The following C12orf42 variants were observed in gnomAD, a reference collection of about 807,000 sequenced individuals.
C12orf42 encodes uncharacterized protein C12orf42.
Under a neutral mutation model 21.6 loss-of-function variants are expected in C12orf42, and 25 were observed. The ratio of observed to expected loss-of-function variants is 1.16; its 90% CI spans 0.84 to 1.62. The LOEUF (loss-of-function observed/expected upper bound fraction) is 1.62. C12orf42 is among the 40% of genes most tolerant of loss of function. The probability of loss-of-function intolerance (pLI) is 0.00; values close to 1 mark genes in which losing one functional copy is unlikely to be tolerated. For synonymous variants in C12orf42, 174 were observed against 175.0 expected, an observed-to-expected ratio of 0.99 and a Z score of 0.05; for missense variants, 483 against 459.3, an observed-to-expected ratio of 1.05 and a Z score of -0.47.
chr12:103,355,041 T>C (rs2043405815), intron 4 of C12orf42, among the ~76,000 whole-genome samples: 1 of 152,156 alleles, frequency 6.6e-6, no homozygotes, highest in African/African-American at 2.4e-5. Context: ...GATTACTATG[T>C]ACCCATTACA....
At chr12:103,091,954 T>A in the C12orf42 span, among the ~76,000 whole-genome samples, 1 of 152,222 alleles carries the variant, frequency 6.6e-6, no homozygotes, top group South Asian at 2.1e-4. Context: ...TCTGGCAGGT[T>A]GACTGTCATC....
At chr12:103,427,391 T>C (rs11111567) in intron 2 of C12orf42, among the ~76,000 whole-genome samples, 28,780 of 149,606 alleles carry the variant, frequency 0.19, 3,296 homozygotes, top group East Asian at 0.35. Flanking sequence ...AAGGTCATTA[T>C]ATCATGGTAA....
chr12:103,164,552 G>T, the C12orf42 span: 1 of 431,376 alleles, frequency 2.3e-6, no homozygotes, highest in Admixed American at 2.5e-5. Flanking sequence ...CTAAGGCACA[G>T]GGGGTGGGTG....
chr12:103,437,991 G>A (rs1227534952), intron 2 of C12orf42, among the ~76,000 whole-genome samples: 5 of 150,336 alleles, frequency 3.3e-5, no homozygotes, highest in Admixed American at 6.7e-5. Flanking sequence ...GATGAGCATC[G>A]ATGCAAAAAT....
the C12orf42 span, among the ~76,000 whole-genome samples, chr12:103,539,416 T>C: frequency 6.6e-6 from 1 of 152,120 alleles, no homozygotes; most frequent in African/African-American, 2.4e-5. Flanking sequence ...ATGCATGAAC[T>C]TGAATACTGA....
the C12orf42 span, among the ~76,000 whole-genome samples, chr12:103,229,179 T>G: frequency 6.6e-6 from 1 of 152,360 alleles, no homozygotes; most frequent in Admixed American, 6.5e-5. Context: ...CCTTTCTTCA[T>G]TGTAATTCTC....
intron 2 of C12orf42, among the ~76,000 whole-genome samples, chr12:103,418,320 G>A (rs1383314287): frequency 1.3e-5 from 2 of 152,180 alleles, no homozygotes; most frequent in East Asian, 3.9e-4. Context: ...CTTCTAGATA[G>A]GATCATACGG....
intron 4 of C12orf42, among the ~76,000 whole-genome samples, chr12:103,365,405 G>A (rs1276187262): frequency 6.6e-6 from 1 of 152,036 alleles, no homozygotes; most frequent in Non-Finnish European, 1.5e-5. Context: ...TTCCCTCTGA[G>A]AACTGGAACA....
downstream of C12orf42, among the ~76,000 whole-genome samples, chr12:103,263,569 C>T (rs547439611): frequency 2.0e-5 from 3 of 152,182 alleles, no homozygotes; most frequent in South Asian, 4.2e-4. Flanking sequence ...GCCTGGTCAC[C>T]GGTGGGATAG....
chr12:103,362,136 G>A (rs933003267), intron 4 of C12orf42, among the ~76,000 whole-genome samples: 2 of 152,150 alleles, frequency 1.3e-5, no homozygotes, highest in Admixed American at 1.3e-4. Context: ...TGGAGTAGGT[G>A]CTGGTTTCCA....
chr12:103,146,491 AAAAG>A, the C12orf42 span, among the ~76,000 whole-genome samples: 76 of 150,844 alleles, frequency 5.0e-4, no homozygotes, highest in Admixed American at 3.3e-3. Context: ...AAAAAAAAAA[AAAAG>A]AAAGAAAGAG....
intron 4 of C12orf42, among the ~76,000 whole-genome samples, chr12:103,314,373 G>GT (rs1267567719): frequency 2.0e-5 from 3 of 152,170 alleles, no homozygotes; most frequent in African/African-American, 4.8e-5. Context: ...GTGCCTGGTA[G>GT]TTTTTTACAG....
the C12orf42 span, among the ~76,000 whole-genome samples, chr12:103,540,891 T>TTTTC: frequency 1.7e-4 from 26 of 152,212 alleles, 1 homozygote; most frequent in Admixed American, 6.5e-4. Flanking sequence ...ATTGAATGAA[T>TTTTC]TTTCTTTCTT....
the C12orf42 span, among the ~76,000 whole-genome samples, chr12:103,101,626 C>G: frequency 6.6e-6 from 1 of 152,168 alleles, no homozygotes; most frequent in Non-Finnish European, 1.5e-5. Context: ...CCCAAACTAC[C>G]CACTGAACAT....
intron 2 of C12orf42, among the ~76,000 whole-genome samples, chr12:103,418,473 C>A (rs971531357): frequency 2.0e-5 from 3 of 152,056 alleles, no homozygotes; most frequent in Admixed American, 6.6e-5. Flanking sequence ...GCAAAAATAT[C>A]TATCTTTGTA....
the C12orf42 span, among the ~76,000 whole-genome samples, chr12:103,077,554 C>T: frequency 6.6e-6 from 1 of 152,192 alleles, no homozygotes; most frequent in Non-Finnish European, 1.5e-5. Context: ...AGACCCTGTG[C>T]TGGAGCAATC....
chr12:103,360,862 G>C (rs549447066), intron 4 of C12orf42, among the ~76,000 whole-genome samples: 1 of 152,118 alleles, frequency 6.6e-6, no homozygotes, highest in African/African-American at 2.4e-5. Context: ...AAGGGCACAA[G>C]CTAAATAAGT....
intron 2 of C12orf42, among the ~76,000 whole-genome samples, chr12:103,412,891 CT>C: frequency 6.6e-6 from 1 of 152,204 alleles, no homozygotes; most frequent in Middle Eastern, 3.4e-3. Flanking sequence ...TTGCAAATAT[CT>C]TCTCCCATTT....
chr12:103,240,618 G>A (rs982790080), intron 10 of C12orf42, among the ~76,000 whole-genome samples: 7 of 152,102 alleles, frequency 4.6e-5, no homozygotes, highest in Admixed American at 2.0e-4. Flanking sequence ...TGCCAGAACC[G>A]CTGTTTCCAT....
Sources: gnomAD v4.1 joint callset for allele counts (sites outside exome capture counted in the v4.1 genomes callset) on GRCh38, gnomAD v4.1.1 for gene constraint, MANE v1.5 for transcripts, NCBI Gene and HGNC (gene_info 2026-07-23, HGNC 2026-07-21) for gene names.